The following ARAP3 variants were observed in gnomAD, a reference collection of about 807,000 sequenced individuals.
The protein encoded by ARAP3 is arf-GAP with Rho-GAP domain, ANK repeat and PH domain-containing protein 3.
Under a neutral mutation model 169.2 loss-of-function variants are expected in ARAP3, and 82 were observed. The ratio of observed to expected loss-of-function variants is 0.48; its 90% CI spans 0.41 to 0.58. ARAP3 has a LOEUF of 0.58. Ranked by LOEUF, ARAP3 falls within the 20% of genes least tolerant of loss-of-function variation. ARAP3 has a pLI of 0.00. For missense variants in ARAP3, 1,764 were observed against 2,018.0 expected (o/e 0.87, Z 2.41); for synonymous variants, 791 against 800.3 (o/e 0.99, Z 0.20).
At position 141,655,863 on chromosome 5, in the gene ARAP3, C is replaced by T. The variant is rs1319396594; in HGVS notation, c.3972+6G>A. ...ACCCAGCCCTCAGCCTTTTCTTTCCCCTCACCTGGGCTTTAAGGATGCTGG... is the reference window on the plus strand; with the variant it reads ...ACCCAGCCCTCAGCCTTTTCTTTCCTCTCACCTGGGCTTTAAGGATGCTGG... On this transcript the variant is annotated splice_donor_region_variant and intron_variant, in intron 30 of 32. Coordinates refer to ENST00000239440, the MANE Select transcript of ARAP3 (RefSeq NM_022481.6). 1 of 1,614,074 alleles carries T rather than the reference C, an allele frequency of 6.2e-7. No individual in the cohort carries two copies. The highest frequency in any genetic ancestry group is 1.1e-5 in the South Asian group (1 of 91,074).
intron 4 of ARAP3, among the ~76,000 whole-genome samples, chr5:141,677,712 A>T (rs1482246722): frequency 6.6e-6 from 1 of 152,128 alleles, no homozygotes; most frequent in Non-Finnish European, 1.5e-5. Context: ...CTTAGAGTAA[A>T]AGCCAAAGTC....
In ARAP3 at chr5:141,661,819, G is replaced by T. The variant is rs1448704666; in HGVS notation, c.3014-30C>A. 2.5e-6 allele frequency: 4 copies of T among 1,610,034 alleles called. No individual in the cohort carries two copies. The South Asian group carries it at 3.3e-5, about 13-fold the overall frequency. On this transcript the variant is annotated intron_variant, in intron 20 of 32. Transcript: ENST00000239440. The stretch of plus-strand genomic sequence containing the variant: ...GGATGGAATGGAGGAGGGTTGGGGA[G>T]GACCCGGGAAGAAAGAGTGGCAGCT...
chr5:141,674,603 A>G lies in ARAP3; in HGVS notation c.699-795T>C, dbSNP rs1298193356. 2.0e-5 allele frequency among the ~76,000 whole-genome samples: 3 copies of G among 152,144 alleles called. No individual in the cohort carries two copies. The East Asian group carries it at 5.8e-4, about 29-fold the overall frequency. On this transcript the variant is annotated intron_variant, in intron 4 of 32. Coordinates refer to ENST00000239440, the MANE Select transcript of ARAP3 (RefSeq NM_022481.6). ...GGGAATAGGGAGGTTCAGAACCCTT[A>G]AGATTGGCATGGGGCTGCTTTCCTG...
Position 141,656,545 on chromosome 5 carries a change from G to A in ARAP3, c.3748C>T (p.Leu1250=), listed in dbSNP as rs1238631095. ...LGSRFQERFF[L]LRGRCLLLLK... is the part of the protein sequence containing the mutation. ...AGCAGCAGGCAGCGGCCACGCAGCA[G>A]AAAGAACCTCTCCTGGAAGCGGCTT... is the stretch of plus-strand genomic sequence containing the variant. The change falls in exon 27 of 33, where the codon CTG becomes TTG. Residue 1250 remains leucine, a synonymous_variant. Transcript: ENST00000239440. 2 of 1,612,844 alleles carry A rather than the reference G, an allele frequency of 1.2e-6. No individual in the cohort carries two copies. Among genetic ancestry groups the A allele is most frequent in the Middle Eastern group, 1.7e-4 (1 of 6,058 alleles).
At chr5:141,659,317 C>A (rs1376049169) in intron 23 of ARAP3, 91 bp downstream of exon 23, 2 of 1,258,662 alleles carry the variant, frequency 1.6e-6, no homozygotes, top group African/African-American at 2.9e-5. Flanking sequence ...GAAGGACAGG[C>A]TGGAAACTTC....
chr5:141,670,194 C>T, intron 14 of ARAP3, 131 bp from the exon 15 acceptor site: 1 of 1,290,422 alleles, frequency 7.7e-7, no homozygotes, highest in Non-Finnish European at 1.1e-6. Flanking sequence ...CACAATAACC[C>T]TATGAGGTGT....
chr5:141,679,218 G>A (rs969787023), intron 4 of ARAP3, among the ~76,000 whole-genome samples: 2 of 152,198 alleles, frequency 1.3e-5, no homozygotes, highest in Non-Finnish European at 2.9e-5. Flanking sequence ...GAACCCAGGA[G>A]GGGGAGGTTG....
chr5:141,665,238 A>G, intron 18 of ARAP3, 73 bp downstream of exon 18: 1 of 1,586,164 alleles, frequency 6.3e-7, no homozygotes, highest in Non-Finnish European at 8.6e-7. Flanking sequence ...GCAATGGCCC[A>G]GCAGGCCAGG....
Position 141,659,937 on chromosome 5 carries a change from G to A in ARAP3, c.3120-11C>T. 1.3e-6 allele frequency: 2 copies of A among 1,547,834 alleles called. No individual in the cohort carries two copies. The highest frequency in any genetic ancestry group is 2.0e-5 in the Admixed American group (1 of 50,932). On this transcript the variant is annotated splice_polypyrimidine_tract_variant and intron_variant, in intron 21 of 32. Transcript: ENST00000239440. ...GCACATTTCTGCACCCTGCAGAGGG[G>A]TGCCACGGTCTTCATCAGTGTAGCC...
rs1287165815 is a variant in ARAP3 at position 141,656,489 on chromosome 5, G to A, written c.3789+15C>T. The A allele has an allele frequency of 6.2e-7, 1 of 1,608,588 alleles. No individual in the cohort carries two copies. On this transcript the variant is annotated intron_variant, in intron 27 of 32. Coordinates refer to ENST00000239440, the MANE Select transcript of ARAP3 (RefSeq NM_022481.6). ...GGCCACCCAGCATCCCACACCTCTG[G>A]CCCCAGGGCCTCACTTTCTTCTCCT...
Position 141,656,858 on chromosome 5 carries a change from A to C in ARAP3, c.3527-12T>G, listed in dbSNP as rs1021401021. 16 of 1,611,172 alleles carry C rather than the reference A, an allele frequency of 9.9e-6. No homozygotes were observed. The Admixed American group carries it at 2.5e-4, about 25-fold the overall frequency. ...ATGCAGTGGCCGCTCTTAAGGGGAA[A>C]GGTGAGGGTTTATATATCAATCAGA... is the stretch of plus-strand genomic sequence containing the variant. On this transcript the variant is annotated splice_polypyrimidine_tract_variant and intron_variant, in intron 25 of 32. Transcript: ENST00000239440.
At chr5:141,665,418 T>A in intron 17 of ARAP3, 44 bp from the exon 18 acceptor site, 1 of 1,589,128 alleles carries the variant, frequency 6.3e-7, no homozygotes, top group Non-Finnish European at 8.6e-7. Context: ...ATCGTCTTCA[T>A]TATAGAGACT....
chr5:141,668,240 G>A lies in ARAP3; in HGVS notation c.2352+1469C>T, dbSNP rs186221569. Among the ~76,000 whole-genome samples the A allele has an allele frequency of 9.9e-5, 15 of 151,904 alleles. No homozygotes were observed. The East Asian group carries it at 2.9e-3, about 30-fold the overall frequency. ...TTCCACCTCAGCCTCCCCAGTAGCT[G>A]GGACTATAGGTGAGCACCATCATGC... is the stretch of plus-strand genomic sequence containing the variant. On this transcript the variant is annotated intron_variant, in intron 16 of 32. Coordinates refer to ENST00000239440, the MANE Select transcript of ARAP3 (RefSeq NM_022481.6).
chr5:141,672,329 C>T lies in ARAP3; in HGVS notation c.1386-28G>A, dbSNP rs2099911559. ...GAGGGGTGGACAGCCAGTCCATGGG[C>T]ATGGACCTACCTGCCATGTCCCATC... On this transcript the variant is annotated intron_variant, in intron 9 of 32. Transcript: ENST00000239440. The surrounding 1 kb of genome is among the most constrained non-coding windows in gnomAD (Gnocchi z 4.9). 1 of 1,612,882 alleles carries T rather than the reference C, an allele frequency of 6.2e-7. No individual in the cohort carries two copies.
chr5:141,653,417 G>A lies in ARAP3; in HGVS notation c.*533C>T, dbSNP rs1158763935. 1.3e-5 allele frequency: 2 copies of A among 152,652 alleles called. No homozygotes were observed. Among genetic ancestry groups the A allele is most frequent in the Non-Finnish European group, 2.9e-5 (2 of 68,104 alleles). 9.5% of individuals were successfully genotyped at this position (152,652 alleles called of 1,614,324 possible). A position where few individuals can be genotyped will look rare whatever the true frequency, so the allele number is the denominator to read the frequency against. On this transcript the variant is annotated 3_prime_UTR_variant, in exon 33 of 33. Transcript: ENST00000239440. ...AGAATGGTAGTCTTTTGGTTCCCAG[G>A]TTTATTGACAATTACTCATCTATTT...
In ARAP3 at chr5:141,679,770, T is replaced by C. The variant is rs766627975; in HGVS notation, c.577A>G (p.Thr193Ala). Reference protein sequence around the residue: ...SAPTPALRPTTGTVHIMDPGC... With the variant: ...SAPTPALRPTAGTVHIMDPGC... Reference sequence around the variant, plus strand: ...GTGATAACCCAGTTACCTGTGCCTGTTGTGGGCCTGAGGGCAGGGGTGGGG... The same window carrying C: ...GTGATAACCCAGTTACCTGTGCCTGCTGTGGGCCTGAGGGCAGGGGTGGGG... Residue 193 changes from threonine to alanine, a missense_variant, in exon 3 of 33, where the codon ACA becomes GCA. Physicochemically the swap from Thr to Ala is moderately conservative, Grantham distance 58. Transcript: ENST00000239440. 16 of 1,614,052 alleles carry C rather than the reference T, an allele frequency of 9.9e-6. No individual in the cohort carries two copies. The South Asian group carries it at 1.6e-4, about 17-fold the overall frequency.
intron 16 of ARAP3, among the ~76,000 whole-genome samples, chr5:141,667,076 A>AT (rs200477886): frequency 2.4e-3 from 362 of 151,018 alleles, no homozygotes; most frequent in Non-Finnish European, 4.0e-3. Context: ...CACCTGGCTA[A>AT]TTTTTTTTTA....
chr5:141,666,572 C>A lies in ARAP3; in HGVS notation c.2424G>T (p.Arg808=), dbSNP rs771050514. 1 of 1,556,216 alleles carries A rather than the reference C, an allele frequency of 6.4e-7. No homozygotes were observed. The change falls in exon 17 of 33, where the codon CGG becomes CGT. Residue 808 remains arginine, a synonymous_variant. Transcript: ENST00000239440. The part of the protein sequence containing the change: ...GLLRLGRLWL[R]SPSHTAPAPG... ...GGGCCGGGGCTGTATGGGAGGGGGA[C>A]CGCAGCCATAGGCGGCCCAGCCGCA...
chr5:141,680,386 C>T lies in ARAP3; in HGVS notation c.101G>A (p.Gly34Asp). Residue 34 changes from glycine to aspartate, a missense_variant, in exon 2 of 33, where the codon GGT (glycine) becomes GAT (aspartate). Around this residue, in one of 3 missense-constraint regions of ARAP3, gnomAD observed 630 missense variants for 678.7 expected, o/e 0.93. Coordinates refer to ENST00000239440, the MANE Select transcript of ARAP3 (RefSeq NM_022481.6). ...TFRRHGLATA[G>D]AARGLGHEEL... ...CTCGTGGCCCAGGCCCCGGGCTGCA[C>T]CTGCTGTAGCCAGGCCATGCCGTCG... 6.2e-7 allele frequency: 1 copy of T among 1,614,132 alleles called. No individual in the cohort carries two copies. The highest frequency in any genetic ancestry group is 8.5e-7 in the Non-Finnish European group (1 of 1,180,036).
Sources: allele counts gnomAD v4.1 joint callset (sites outside exome capture counted in the v4.1 genomes callset), GRCh38; gene constraint gnomAD v4.1.1; regional missense constraint gnomAD v4.1.1; non-coding constraint Gnocchi (gnomAD v3.1); transcripts MANE v1.5; gene names NCBI Gene and HGNC (gene_info 2026-07-23, HGNC 2026-07-21).